Variants in ZFHX3 observed in about 807,000 individuals in gnomAD.
ZFHX3 encodes the protein zinc finger homeobox 3.
In ZFHX3, 42 loss-of-function variants were observed where a neutral mutation model predicts 279.1. That is an observed-to-expected ratio of 0.15 (90% CI 0.12 to 0.19). ZFHX3 has a LOEUF of 0.19. ZFHX3 is among the 10% of genes least tolerant of loss of function. The pLI is 1.00. For synonymous variants in ZFHX3, 2,293 were observed against 1,957.8 expected, an observed-to-expected ratio of 1.17 and a Z score of -4.52; for missense variants, 4,981 against 4,754.0, an observed-to-expected ratio of 1.05 and a Z score of -1.40.
At chr16:73,593,946 CA>C (rs2052024087) in intron 2 of ZFHX3, among the ~76,000 whole-genome samples, 1 of 152,140 alleles carries the variant, frequency 6.6e-6, no homozygotes, top group African/African-American at 2.4e-5. Context: ...TGTTAATGGT[CA>C]AATACTGAAA....
At chr16:72,872,900 C>T (rs762291344) in intron 4 of ZFHX3, among the ~76,000 whole-genome samples, 5 of 152,206 alleles carry the variant, frequency 3.3e-5, no homozygotes, top group Non-Finnish European at 5.9e-5. Flanking sequence ...TGCCCAAGAT[C>T]CTCTCTTTAG....
intron 1 of ZFHX3, among the ~76,000 whole-genome samples, chr16:73,782,137 C>A (rs536415144): frequency 6.6e-6 from 1 of 152,298 alleles, no homozygotes; most frequent in Non-Finnish European, 1.5e-5. Flanking sequence ...GCTTTAGATG[C>A]TCAGCTGGCT....
intron 7 of ZFHX3, among the ~76,000 whole-genome samples, chr16:72,803,694 T>C (rs2036182923): frequency 6.6e-6 from 1 of 152,216 alleles, no homozygotes; most frequent in Non-Finnish European, 1.5e-5. Flanking sequence ...GAATGTACCA[T>C]CCACATTGAT....
intron 5 of ZFHX3, among the ~76,000 whole-genome samples, chr16:73,191,720 A>ATTTC (rs1362069496): frequency 7.9e-6 from 1 of 127,026 alleles, no homozygotes; most frequent in African/African-American, 3.2e-5. Context: ...ACAGAGCTGT[A>ATTTC]TTTCTTTTTT....
intron 1 of ZFHX3, among the ~76,000 whole-genome samples, chr16:73,706,794 T>TC (rs1237715659): frequency 6.6e-6 from 1 of 152,098 alleles, no homozygotes; most frequent in Non-Finnish European, 1.5e-5. Context: ...CATCTTCCGT[T>TC]CCCCCACCCT....
chr16:73,043,779 A>T (rs1050691208), intron 1 of ZFHX3, among the ~76,000 whole-genome samples: 1 of 152,206 alleles, frequency 6.6e-6, no homozygotes, highest in African/African-American at 2.4e-5. Context: ...GTCATTTACC[A>T]TATTAGCCCA....
chr16:73,851,826 G>C (rs1437241194), intron 1 of ZFHX3, among the ~76,000 whole-genome samples: 1 of 152,002 alleles, frequency 6.6e-6, no homozygotes, highest in East Asian at 1.9e-4. Flanking sequence ...GTGTGTCTTG[G>C]GTCCCTCCTC....
At chr16:73,759,472 C>T (rs557618277) in intron 1 of ZFHX3, among the ~76,000 whole-genome samples, 29 of 152,242 alleles carry the variant, frequency 1.9e-4, no homozygotes, top group Non-Finnish European at 3.4e-4. Flanking sequence ...CACTGGGAAG[C>T]CCATACACCC....
At chr16:73,863,588 T>C (rs1423974198) in intron 1 of ZFHX3, among the ~76,000 whole-genome samples, 1 of 152,218 alleles carries the variant, frequency 6.6e-6, no homozygotes, top group African/African-American at 2.4e-5. Context: ...CTGCTTAAGT[T>C]CTGCTGATCA....
intron 1 of ZFHX3, among the ~76,000 whole-genome samples, chr16:73,841,249 T>C (rs1367162456): frequency 6.6e-6 from 1 of 151,832 alleles, no homozygotes; most frequent in Non-Finnish European, 1.5e-5. Context: ...GCTTTCCACA[T>C]CTCCTTCAGC....
At chr16:73,891,109 C>T (rs2030523692) in intron 1 of ZFHX3, among the ~76,000 whole-genome samples, 1 of 150,982 alleles carries the variant, frequency 6.6e-6, no homozygotes, top group Non-Finnish European at 1.5e-5. Flanking sequence ...TCTCTGCCCT[C>T]ACACCTCTGC....
intron 4 of ZFHX3, among the ~76,000 whole-genome samples, chr16:73,299,183 C>T (rs1365558092): frequency 6.6e-6 from 1 of 152,150 alleles, no homozygotes; most frequent in Non-Finnish European, 1.5e-5. Flanking sequence ...CTAGTACAAT[C>T]TATACATTTG....
intron 1 of ZFHX3, among the ~76,000 whole-genome samples, chr16:73,773,415 C>T (rs1464063973): frequency 3.3e-5 from 5 of 152,192 alleles, no homozygotes; most frequent in Non-Finnish European, 7.4e-5. Flanking sequence ...ACAGATGGTC[C>T]TCACCTTTAT....
intron 4 of ZFHX3, among the ~76,000 whole-genome samples, chr16:73,303,678 C>A (rs2143139785): frequency 6.6e-6 from 1 of 152,228 alleles, no homozygotes; most frequent in East Asian, 1.9e-4. Flanking sequence ...CAATTTAGGT[C>A]CTAGCTGAAT....
intron 2 of ZFHX3, among the ~76,000 whole-genome samples, chr16:73,465,116 T>A (rs2018542493): frequency 6.6e-6 from 1 of 152,202 alleles, no homozygotes; most frequent in Non-Finnish European, 1.5e-5. Flanking sequence ...AGGTCAGAAA[T>A]GGTCTCGGTA....
At chr16:72,871,136 C>T (rs2038151153) in intron 4 of ZFHX3, among the ~76,000 whole-genome samples, 1 of 152,096 alleles carries the variant, frequency 6.6e-6, no homozygotes, top group Non-Finnish European at 1.5e-5. Flanking sequence ...ATGTAAAGTA[C>T]ATTACTTTTC....
In ZFHX3 at chr16:73,581,088, C is replaced by T. The variant is rs113844249; in HGVS notation, c.-1547+99092G>A. 2.4e-4 allele frequency among the ~76,000 whole-genome samples: 36 copies of T among 151,856 alleles called. 2 individuals are homozygous for T. The highest frequency in any genetic ancestry group is 8.5e-4 in the African/African-American group (35 of 41,208). ...TCAGTGGACAGATCTAGGAAATGCT[C>T]GTCTTGCCTTTTCTAGAAAAATGTT... On this transcript the variant is annotated intron_variant, in intron 2 of 17. Coordinates refer to the ZFHX3 transcript ENST00000641206.
At chr16:73,303,013 A>G (rs79303405) in intron 4 of ZFHX3, among the ~76,000 whole-genome samples, 13,570 of 151,166 alleles carry the variant, frequency 0.09, 740 homozygotes, top group East Asian at 0.23. Context: ...GGATTCTGAA[A>G]CAGCAAAGAG....
At chr16:73,552,951 C>T (rs1352459656) in intron 2 of ZFHX3, among the ~76,000 whole-genome samples, 3 of 152,192 alleles carry the variant, frequency 2.0e-5, no homozygotes, top group Non-Finnish European at 4.4e-5. Context: ...TTTTCATTCA[C>T]ATCCACAGTC....
Sources: allele counts gnomAD v4.1 joint callset (sites outside exome capture counted in the v4.1 genomes callset), GRCh38; gene constraint gnomAD v4.1.1; transcripts MANE v1.5; gene names NCBI Gene and HGNC (gene_info 2026-07-23, HGNC 2026-07-21).